Variants in VWA3B observed in about 807,000 individuals in gnomAD.
VWA3B encodes the protein von Willebrand factor A domain-containing protein 3B.
In VWA3B, 138 loss-of-function variants were observed where a neutral mutation model predicts 158.3. The ratio of observed to expected loss-of-function variants is 0.87; its 90% CI spans 0.76 to 1.00. VWA3B has a LOEUF of 1.00. Among genes scored for constraint, VWA3B ranks in the 50% least tolerant of loss-of-function variants. The pLI is 0.00. For synonymous variants in VWA3B, 596 were observed against 587.3 expected, an observed-to-expected ratio of 1.01 and a Z score of -0.21; for missense variants, 1,555 against 1,565.1, an observed-to-expected ratio of 0.99 and a Z score of 0.11.
At chr2:98,143,016 G>A (rs1225181599) in intron 7 of VWA3B, among the ~76,000 whole-genome samples, 4 of 152,004 alleles carry the variant, frequency 2.6e-5, no homozygotes, top group Admixed American at 6.6e-5. Context: ...ACGATAATAC[G>A]TATATGTTGA....
At position 98,245,875 on chromosome 2, in the gene VWA3B, A is replaced by T. The variant is rs13424453; in HGVS notation, c.2674-4443A>T. ...TTTCGAGAGATGATTTTATTTTTTT[A>T]AAATTTCTACAAGCTTCATTCTGTT... On this transcript the variant is annotated intron_variant, in intron 19 of 27. Coordinates refer to ENST00000477737, the MANE Select transcript of VWA3B (RefSeq NM_144992.5). Among the ~76,000 whole-genome samples the T allele has an allele frequency of 8.4e-3, 1,282 of 152,192 alleles. 27 individuals are homozygous for T. Among genetic ancestry groups the T allele is most frequent in the African/African-American group, 0.029 (1,185 of 41,490 alleles).
intron 21 of VWA3B, among the ~76,000 whole-genome samples, chr2:98,268,136 T>C (rs1315115166): frequency 5.3e-5 from 8 of 151,352 alleles, no homozygotes; most frequent in Non-Finnish European, 1.0e-4. Flanking sequence ...TACCATTCCT[T>C]CTGAAACTAT....
At chr2:98,226,470 T>C (rs1306483849) in intron 14 of VWA3B, among the ~76,000 whole-genome samples, 1 of 152,202 alleles carries the variant, frequency 6.6e-6, no homozygotes, top group Non-Finnish European at 1.5e-5. Flanking sequence ...GTAAAACTTC[T>C]AGAAAGAAAT....
At chr2:98,329,906 C>A in the VWA3B span, among the ~76,000 whole-genome samples, 1 of 152,284 alleles carries the variant, frequency 6.6e-6, no homozygotes, top group East Asian at 1.9e-4. Flanking sequence ...CTGCCCCACA[C>A]ATTTCACTTT....
At chr2:98,208,733 T>TC (rs1683237710) in intron 12 of VWA3B, among the ~76,000 whole-genome samples, 1 of 152,218 alleles carries the variant, frequency 6.6e-6, no homozygotes, top group Non-Finnish European at 1.5e-5. Context: ...TTATATGCCA[T>TC]CTTAGATGGT....
chr2:98,180,070 CTCTT>C (rs374900001), intron 8 of VWA3B, among the ~76,000 whole-genome samples: 81 of 141,856 alleles, frequency 5.7e-4, no homozygotes, highest in African/African-American at 1.6e-3. Context: ...CTCTCTTTCT[CTCTT>C]TCTTTCTTTC....
intron 8 of VWA3B, among the ~76,000 whole-genome samples, chr2:98,178,784 A>AT (rs1451138388): frequency 6.6e-6 from 1 of 152,042 alleles, no homozygotes; most frequent in African/African-American, 2.4e-5. Flanking sequence ...AGGCATCAGT[A>AT]TTTTTTTTAA....
Position 98,311,819 on chromosome 2 carries a change from A to T in VWA3B, c.3522A>T (p.Val1174=). Residue 1174 remains valine (V), a splice_region_variant and synonymous_variant, in exon 27 of 28, where the codon GTA becomes GTT. Coordinates refer to ENST00000477737, the MANE Select transcript of VWA3B (RefSeq NM_144992.5). ...AACCCTGATCTCTCTCTGTCTCTAGAGAGGATGTGGAGGCGAGGAACTCTG... is the reference window on the plus strand; with the variant it reads ...AACCCTGATCTCTCTCTGTCTCTAGTGAGGATGTGGAGGCGAGGAACTCTG... ...KSPPIPEDPE[V]EDVEARNSAF... is the part of the protein sequence containing the mutation. The T allele has an allele frequency of 6.2e-7, 1 of 1,600,324 alleles. No homozygotes were observed. Among genetic ancestry groups the T allele is most frequent in the South Asian group, 1.1e-5 (1 of 88,232 alleles).
At chr2:98,278,898 G>T (rs958607294) in intron 22 of VWA3B, among the ~76,000 whole-genome samples, 4 of 152,150 alleles carry the variant, frequency 2.6e-5, no homozygotes, top group Non-Finnish European at 5.9e-5. Context: ...CATATCAGTG[G>T]GCAGGAAGTT....
At chr2:98,215,265 A>G (rs1683880133) in intron 13 of VWA3B, among the ~76,000 whole-genome samples, 1 of 151,678 alleles carries the variant, frequency 6.6e-6, no homozygotes, top group Non-Finnish European at 1.5e-5. Context: ...ACACGGTGAA[A>G]CCCCGTCTCT....
chr2:98,192,943 G>A lies in VWA3B; in HGVS notation c.1512G>A (p.Leu504=). 1 of 1,614,164 alleles carries A rather than the reference G, an allele frequency of 6.2e-7. No homozygotes were observed. The highest frequency in any genetic ancestry group is 8.5e-7 in the Non-Finnish European group (1 of 1,180,038). Reference sequence around the variant, plus strand: ...GGAGTCAAAGCCTCTTTGGAAGATTGCATAATGATTGCATCTACATTCTCA... The same window carrying A: ...GGAGTCAAAGCCTCTTTGGAAGATTACATAATGATTGCATCTACATTCTCA... ...QDGSQSLFGR[L]HNDCIYILID... Residue 504 remains leucine (L), a synonymous_variant, in exon 11 of 28, where the codon TTG becomes TTA. Transcript: ENST00000477737.
At chr2:98,154,795 G>A (rs1012106004) in intron 7 of VWA3B, among the ~76,000 whole-genome samples, 1 of 152,188 alleles carries the variant, frequency 6.6e-6, no homozygotes, top group Non-Finnish European at 1.5e-5. Flanking sequence ...GCAGATTTCC[G>A]ACTGCATTTG....
intron 1 of VWA3B, among the ~76,000 whole-genome samples, chr2:98,087,589 A>G (rs1427016535): frequency 6.6e-6 from 1 of 152,118 alleles, no homozygotes; most frequent in Non-Finnish European, 1.5e-5. Flanking sequence ...CTCCTACTCT[A>G]GAGCTCTTTC....
chr2:98,090,194 A>G, intron 1 of VWA3B, among the ~76,000 whole-genome samples: 1 of 152,156 alleles, frequency 6.6e-6, no homozygotes, highest in South Asian at 2.1e-4. Context: ...AATTTAAAAG[A>G]CTTTCTTTCA....
chr2:98,253,506 T>C (rs1200773545), intron 20 of VWA3B, among the ~76,000 whole-genome samples: 1 of 152,138 alleles, frequency 6.6e-6, no homozygotes, highest in Admixed American at 6.5e-5. Flanking sequence ...CAGGGCTGGC[T>C]GGATTCTGGA....
At chr2:98,207,329 A>T (rs189839061) in intron 12 of VWA3B, 2 of 488,142 alleles carry the variant, frequency 4.1e-6, no homozygotes, top group South Asian at 1.6e-5. Context: ...ATCTATCTAC[A>T]TGTGGATCCT....
chr2:98,142,412 G>T (rs1339257555), intron 7 of VWA3B, among the ~76,000 whole-genome samples: 1 of 152,122 alleles, frequency 6.6e-6, no homozygotes, highest in Non-Finnish European at 1.5e-5. Context: ...AAAAAGCCTG[G>T]CTCCTTCCAG....
intron 2 of VWA3B, among the ~76,000 whole-genome samples, chr2:98,096,703 C>T (rs1278164250): frequency 2.0e-5 from 3 of 152,222 alleles, no homozygotes; most frequent in African/African-American, 7.2e-5. Context: ...CTAATTTGTT[C>T]ATGTGTAATT....
At chr2:98,234,164 A>G (rs6543413) in intron 16 of VWA3B, among the ~76,000 whole-genome samples, 135,535 of 152,308 alleles carry the variant, frequency 0.89, 60,529 homozygotes, top group East Asian at 0.97. Flanking sequence ...ACCTAGACAG[A>G]GTTATCTAGG....
Sources: allele counts gnomAD v4.1 joint callset (sites outside exome capture counted in the v4.1 genomes callset), GRCh38; gene constraint gnomAD v4.1.1; transcripts MANE v1.5; gene names NCBI Gene and HGNC (gene_info 2026-07-23, HGNC 2026-07-21).